The following EEF2 variants were observed in gnomAD, a reference collection of about 807,000 sequenced individuals.
EEF2 encodes eukaryotic translation elongation factor 2.
Under a neutral mutation model 85.3 loss-of-function variants are expected in EEF2, and 21 were observed. That is an observed-to-expected ratio of 0.25 (90% CI 0.17 to 0.35). The LOEUF is 0.35. Ranked by LOEUF, EEF2 falls within the 10% of genes least tolerant of loss-of-function variation. The pLI is 1.00. For missense variants in EEF2, 825 were observed against 1,225.3 expected (o/e 0.67, Z 4.88); for synonymous variants, 723 against 508.8 (o/e 1.42, Z -5.67).
Position 3,977,108 on chromosome 19 carries a change from C to G in EEF2, c.2383+107G>C. On this transcript the variant is annotated intron_variant, in intron 14 of 14. Transcript: ENST00000309311. This position sits in a 1 kb window ranked among gnomAD's most constrained non-coding sequence, Gnocchi z 5.4. ...CTGGACCACCTGCTCCATCCATCAC[C>G]TGCTCCCATCAGGACGCCTCCTTTA... 1 of 1,481,832 alleles carries G rather than the reference C, an allele frequency of 6.7e-7. No individual in the cohort carries two copies. The highest frequency in any genetic ancestry group is 9.1e-7 in the Non-Finnish European group (1 of 1,102,328). The allele number at this position is 1,481,832 out of a possible 1,614,324, so 91.8% of individuals were successfully genotyped here. A position where few individuals can be genotyped will look rare whatever the true frequency, so the allele number is the denominator to read the frequency against.
chr19:3,978,826 AAAAAAT>A (rs1220409381), intron 11 of EEF2, among the ~76,000 whole-genome samples: 2 of 136,162 alleles, frequency 1.5e-5, no homozygotes, highest in East Asian at 2.0e-4. Flanking sequence ...AAAAAAAAAA[AAAAAAT>A]AGCCCTGGGC....
chr19:3,985,052 C>G, intron 1 of EEF2: 1 of 351,968 alleles, frequency 2.8e-6, no homozygotes, highest in South Asian at 1.5e-4. Flanking sequence ...TTACATAAGG[C>G]GCCTCCCTGT....
intron 11 of EEF2, among the ~76,000 whole-genome samples, chr19:3,978,904 G>A (rs1183228124): frequency 2.0e-5 from 3 of 150,672 alleles, no homozygotes; most frequent in East Asian, 1.9e-4. Flanking sequence ...GGGGGATCAC[G>A]AGGTCAGGAG....
rs756206524 is a variant in EEF2, at chr19:3,980,073, G to C, written c.1347-7C>G. 6.2e-7 allele frequency: 1 copy of C among 1,609,890 alleles called. No homozygotes were observed. ...GCCCATCATCAAGATTGTTCTGGAA[G>C]AAGCAGAAGGCGGCAGCAGGCCGCA... On this transcript the variant is annotated splice_region_variant and splice_polypyrimidine_tract_variant and intron_variant, in intron 9 of 14. Transcript: ENST00000309311.
intron 2 of EEF2, among the ~76,000 whole-genome samples, chr19:3,983,662 G>A (rs1364348732): frequency 6.6e-6 from 1 of 151,994 alleles, no homozygotes; most frequent in Non-Finnish European, 1.5e-5. Context: ...CAGGGGAAAT[G>A]AAGAGCCTTA....
chr19:3,977,740 T>G lies in EEF2; in HGVS notation c.2067+79A>C. The G allele has an allele frequency of 6.7e-7, 1 of 1,493,318 alleles. No individual in the cohort carries two copies. The highest frequency in any genetic ancestry group is 8.9e-7 in the Non-Finnish European group (1 of 1,123,624). 92.5% of individuals were successfully genotyped at this position (1,493,318 alleles called of 1,614,324 possible). On this transcript the variant is annotated intron_variant, in intron 12 of 14. Transcript: ENST00000309311. This position sits in a 1 kb window ranked among gnomAD's most constrained non-coding sequence, Gnocchi z 5.4. ...CCCGCCTTGGCCCCATTAGGGTCTC[T>G]GTCTCGGGAGGCAGGACCATGAGGT...
Position 3,976,258 on chromosome 19 carries a change from T to C in EEF2, c.*296A>G. 1 of 411,484 alleles carries C rather than the reference T, an allele frequency of 2.4e-6. No individual in the cohort carries two copies. The highest frequency in any genetic ancestry group is 4.9e-5 in the East Asian group (1 of 20,316). The allele number at this position is 411,484 out of a possible 1,614,324, so 25.5% of individuals were successfully genotyped here. ...TAAAATTAGTTTGGACATCTGAGTTTCCCTCTGAAGAAATGGAAAAAGTGT... is the reference window on the plus strand; with the variant it reads ...TAAAATTAGTTTGGACATCTGAGTTCCCCTCTGAAGAAATGGAAAAAGTGT... On this transcript the variant is annotated 3_prime_UTR_variant, in exon 15 of 15. Coordinates refer to ENST00000309311, the MANE Select transcript of EEF2 (RefSeq NM_001961.4).
chr19:3,983,598 C>G (rs926638572), intron 2 of EEF2, among the ~76,000 whole-genome samples: 3 of 152,112 alleles, frequency 2.0e-5, no homozygotes, highest in African/African-American at 7.2e-5. Context: ...CCCAGCAGGA[C>G]GGCAAAAGCC....
intron 11 of EEF2, among the ~76,000 whole-genome samples, chr19:3,978,887 C>A (rs946363968): frequency 6.9e-6 from 1 of 145,414 alleles, no homozygotes. Flanking sequence ...TTTGGGAGGC[C>A]GAGGCAGGGG....
In EEF2 at chr19:3,981,853, C is replaced by G. The variant is rs112473658; in HGVS notation, c.897+94G>C. The G allele has an allele frequency of 2.4e-3, 2,755 of 1,153,438 alleles. 28 individuals carry two copies. The East Asian group carries it at 0.024, about 10-fold the overall frequency. The allele number at this position is 1,153,438 out of a possible 1,614,324, so 71.5% of individuals were successfully genotyped here. A position where few individuals can be genotyped will look rare whatever the true frequency, so the allele number is the denominator to read the frequency against. On this transcript the variant is annotated intron_variant, in intron 6 of 14. Transcript: ENST00000309311. ...ATCTCGCATCTGCCCCACAAGGAGA[C>G]GGGCCCAGTCAGCCGACAGGCTACC...
intron 1 of EEF2, 122 bp from the exon 2 acceptor site, chr19:3,984,472 C>A: frequency 9.6e-7 from 1 of 1,037,172 alleles, no homozygotes. Flanking sequence ...CTGGGGTGCC[C>A]CAAGCCCACC....
chr19:3,981,031 C>A, intron 7 of EEF2, 52 bp from the exon 8 acceptor site: 1 of 1,535,792 alleles, frequency 6.5e-7, no homozygotes, highest in Non-Finnish European at 8.7e-7. Flanking sequence ...CAGGATGGCC[C>A]CACCCCGTAC....
chr19:3,979,478 G>C, intron 10 of EEF2, 42 bp from the exon 11 acceptor site: 2 of 1,539,678 alleles, frequency 1.3e-6, no homozygotes, highest in Admixed American at 1.7e-5. Flanking sequence ...TAGGCGGCTC[G>C]GAACAGGCGG....
rs1415190605 is a variant in EEF2, at chr19:3,980,572, T to A, written c.1288A>T (p.Met430Leu). ...LVSTGLKVRI[M>L]GPNYTPGKKE... The stretch of plus-strand genomic sequence containing the variant: ...TTCCCAGGGGTATAGTTGGGCCCCA[T>A]GATCCTGACCTTCAGGCCAGTGGAG... The change falls in exon 9 of 15, where the codon ATG (methionine) becomes TTG (leucine). Residue 430 changes from methionine (M) to leucine (L), a missense_variant. Physicochemically the swap from Met to Leu is conservative, Grantham distance 15. Coordinates refer to ENST00000309311, the MANE Select transcript of EEF2 (RefSeq NM_001961.4). 6.2e-7 allele frequency: 1 copy of A among 1,614,232 alleles called. No individual in the cohort carries two copies. The highest frequency in any genetic ancestry group is 8.5e-7 in the Non-Finnish European group (1 of 1,180,026).
At chr19:3,979,285 T>C (rs2039715679) in intron 11 of EEF2, 44 bp downstream of exon 11, 2 of 1,500,370 alleles carry the variant, frequency 1.3e-6, no homozygotes, top group South Asian at 1.1e-5. Flanking sequence ...AGAGGGCAGG[T>C]GTCCGGGGTG....
At chr19:3,983,953 A>T in intron 2 of EEF2, 183 bp downstream of exon 2, 1 of 656,406 alleles carries the variant, frequency 1.5e-6, no homozygotes, top group Non-Finnish European at 2.6e-6. Context: ...AGCTCGCAGT[A>T]CCCCGAATCC....
chr19:3,979,232 A>T, intron 11 of EEF2, 97 bp downstream of exon 11: 1 of 916,706 alleles, frequency 1.1e-6, no homozygotes, highest in Non-Finnish European at 1.7e-6. Context: ...ACCGAGATCA[A>T]GTCTAGGCGT....
chr19:3,978,394 G>T (rs1379073088), intron 11 of EEF2, among the ~76,000 whole-genome samples: 1 of 152,158 alleles, frequency 6.6e-6, no homozygotes, highest in South Asian at 2.1e-4. Flanking sequence ...CAGAAACCAC[G>T]GGCTTGTGGA....
At position 3,976,397 on chromosome 19, in the gene EEF2, T is replaced by C. The variant is rs2039680194; in HGVS notation, c.*157A>G. On this transcript the variant is annotated 3_prime_UTR_variant, in exon 15 of 15. Transcript: ENST00000309311. ...AAATATTGAAAGAAACGGCATCAAGTGTTATGGTTGAGTGATGGCACGCAG... is the reference window on the plus strand; with the variant it reads ...AAATATTGAAAGAAACGGCATCAAGCGTTATGGTTGAGTGATGGCACGCAG... The C allele has an allele frequency of 9.9e-6, 7 of 710,538 alleles. No homozygotes were observed. Among genetic ancestry groups the C allele is most frequent in the Non-Finnish European group, 1.6e-5 (7 of 448,904 alleles). The allele number at this position is 710,538 out of a possible 1,614,324, so 44.0% of individuals were successfully genotyped here.
Sources: gnomAD v4.1 joint callset for allele counts (sites outside exome capture counted in the v4.1 genomes callset) on GRCh38, gnomAD v4.1.1 for gene constraint, Gnocchi (gnomAD v3.1) non-coding constraint, MANE v1.5 for transcripts, NCBI Gene and HGNC (gene_info 2026-07-23, HGNC 2026-07-21) for gene names.